NWD2: variants seen among roughly 807,000 people sequenced by gnomAD.
NWD2 encodes the protein NACHT and WD repeat domain-containing protein 2.
NWD2 carries 37 observed loss-of-function variants against 132.7 expected under a neutral mutation model. The observed-to-expected ratio is 0.28, with a 90% CI of 0.21 to 0.37. NWD2 has a LOEUF of 0.37. Ranked by LOEUF, NWD2 falls within the 10% of genes least tolerant of loss-of-function variation. The pLI is 1.00. For synonymous variants in NWD2, 705 were observed against 803.0 expected, an observed-to-expected ratio of 0.88 and a Z score of 2.06; for missense variants, 1,592 against 2,122.4, an observed-to-expected ratio of 0.75 and a Z score of 4.91.
chr4:37,293,753 A>T (rs957770894), intron 1 of NWD2, among the ~76,000 whole-genome samples: 1 of 152,180 alleles, frequency 6.6e-6, no homozygotes, highest in African/African-American at 2.4e-5. Flanking sequence ...TTTACTAATG[A>T]CGTTAAGGAT....
chr4:37,396,762 G>A (rs1012246961), intron 3 of NWD2, among the ~76,000 whole-genome samples: 3 of 152,152 alleles, frequency 2.0e-5, no homozygotes, highest in East Asian at 1.9e-4. Flanking sequence ...GCTGGGCACG[G>A]TGGCTCACCC....
chr4:37,284,539 G>A (rs1002542607), intron 1 of NWD2, among the ~76,000 whole-genome samples: 5 of 152,176 alleles, frequency 3.3e-5, no homozygotes, highest in African/African-American at 1.2e-4. Flanking sequence ...CCCCCACAGA[G>A]CCCTGGATCT....
At chr4:37,352,302 T>C (rs1053431229) in intron 2 of NWD2, among the ~76,000 whole-genome samples, 3 of 152,188 alleles carry the variant, frequency 2.0e-5, no homozygotes, top group African/African-American at 7.2e-5. Flanking sequence ...GCTATTATTA[T>C]ATGGGAGTCT....
rs1054062019 is a variant in NWD2 at position 37,280,144 on chromosome 4, A to G, written c.151+34926A>G. Among the ~76,000 whole-genome samples, 30 of 152,330 alleles carry G rather than the reference A, an allele frequency of 2.0e-4. 1 individual carries two copies. The highest frequency in any genetic ancestry group is 3.4e-3 in the Middle Eastern group (1 of 294). On this transcript the variant is annotated intron_variant, in intron 1 of 6. Coordinates refer to ENST00000309447, the MANE Select transcript of NWD2 (RefSeq NM_001144990.2). Reference sequence around the variant, plus strand: ...TAATGAGACTGTTTTACCACAGGCGAATTGATATAAGTAAGAGTTAAGTTC... The same window carrying G: ...TAATGAGACTGTTTTACCACAGGCGGATTGATATAAGTAAGAGTTAAGTTC...
Position 37,244,945 on chromosome 4 carries a change from C to A in NWD2, c.-123C>A, listed in dbSNP as rs1717198080. 7 of 1,315,114 alleles carry A rather than the reference C, an allele frequency of 5.3e-6. No homozygotes were observed. The highest frequency in any genetic ancestry group is 4.6e-5 in the African/African-American group (3 of 65,554). The allele number at this position is 1,315,114 out of a possible 1,614,324, so 81.5% of individuals were successfully genotyped here. On this transcript the variant is annotated 5_prime_UTR_variant, in exon 1 of 7. Transcript: ENST00000309447. The surrounding 1 kb of genome is among the most constrained non-coding windows in gnomAD (Gnocchi z 5.5). ...CGCCAAAGGCGCTTCGGGCTCGGAG[C>A]GGCTCTGAGCCGCGCCGCCTGCTGA...
At chr4:37,267,416 A>C (rs1211100569) in intron 1 of NWD2, among the ~76,000 whole-genome samples, 1 of 152,028 alleles carries the variant, frequency 6.6e-6, no homozygotes, top group Non-Finnish European at 1.5e-5. Flanking sequence ...AAACAGGGCC[A>C]GCCCTGATCA....
intron 2 of NWD2, among the ~76,000 whole-genome samples, chr4:37,328,098 C>A (rs1719211308): frequency 6.6e-6 from 1 of 151,984 alleles, no homozygotes; most frequent in African/African-American, 2.4e-5. Context: ...TCTTTTGGAT[C>A]CCTGAACACC....
At chr4:37,392,155 C>G (rs1234096976) in intron 3 of NWD2, among the ~76,000 whole-genome samples, 1 of 152,032 alleles carries the variant, frequency 6.6e-6, no homozygotes, top group Non-Finnish European at 1.5e-5. Context: ...AAGCCGAGAT[C>G]GCACCACTGC....
chr4:37,380,487 A>G (rs1453956825), intron 3 of NWD2, among the ~76,000 whole-genome samples: 1 of 152,232 alleles, frequency 6.6e-6, no homozygotes, highest in African/African-American at 2.4e-5. Context: ...GAATAATATT[A>G]AAACTTACTA....
At chr4:37,305,424 T>C (rs1030547314) in intron 1 of NWD2, among the ~76,000 whole-genome samples, 1 of 152,236 alleles carries the variant, frequency 6.6e-6, no homozygotes, top group Non-Finnish European at 1.5e-5. Context: ...TTCTACTACA[T>C]GGTCGGGCTG....
intron 5 of NWD2, among the ~76,000 whole-genome samples, chr4:37,435,836 G>T (rs980949316): frequency 6.6e-6 from 1 of 152,120 alleles, no homozygotes; most frequent in African/African-American, 2.4e-5. Flanking sequence ...ACATGCTCAT[G>T]ACAATTTTAC....
intron 3 of NWD2, among the ~76,000 whole-genome samples, chr4:37,406,492 G>T: frequency 6.6e-6 from 1 of 152,192 alleles, no homozygotes; most frequent in East Asian, 1.9e-4. Context: ...ACAGGCACAT[G>T]TATGTTTATT....
At position 37,443,960 on chromosome 4, in the gene NWD2, G is replaced by T; in HGVS notation, c.1972G>T (p.Val658Phe). 1 of 1,552,304 alleles carries T rather than the reference G, an allele frequency of 6.4e-7. No homozygotes were observed. The highest frequency in any genetic ancestry group is 8.7e-7 in the Non-Finnish European group (1 of 1,147,130). ...SLEKKCGQKL[V>F]SRALGYITMA... Reference sequence around the variant, plus strand: ...GGAGAAGAAGTGTGGTCAGAAACTGGTCTCTAGGGCTCTTGGTTACATCAC... The same window carrying T: ...GGAGAAGAAGTGTGGTCAGAAACTGTTCTCTAGGGCTCTTGGTTACATCAC... The change falls in exon 7 of 7, where the codon GTC (valine) becomes TTC (phenylalanine). Residue 658 changes from valine (V) to phenylalanine (F), a missense_variant. By Grantham distance (50) the Val-to-Phe change is conservative. Around this residue, in one of 7 missense-constraint regions of NWD2, gnomAD observed 1,071 missense variants for 1,398.0 expected, o/e 0.77. Coordinates refer to ENST00000309447, the MANE Select transcript of NWD2 (RefSeq NM_001144990.2). This position sits in a 1 kb window ranked among gnomAD's most constrained non-coding sequence, Gnocchi z 4.1.
chr4:37,407,971 A>G (rs762747821), intron 3 of NWD2, among the ~76,000 whole-genome samples: 1 of 152,172 alleles, frequency 6.6e-6, no homozygotes, highest in Non-Finnish European at 1.5e-5. Context: ...GCCATGAGGA[A>G]CTGAGCCTGA....
At chr4:37,362,026 G>A (rs1030673902) in intron 3 of NWD2, among the ~76,000 whole-genome samples, 1 of 152,000 alleles carries the variant, frequency 6.6e-6, no homozygotes, top group Non-Finnish European at 1.5e-5. Flanking sequence ...CACCCATAAC[G>A]TTCAAGCTGA....
At chr4:37,358,574 G>A (rs116629521) in intron 3 of NWD2, among the ~76,000 whole-genome samples, 4,209 of 152,116 alleles carry the variant, frequency 0.028, 199 homozygotes, top group African/African-American at 0.096. Context: ...GTATCCCTGG[G>A]TTCTGACCTG....
At chr4:37,310,575 T>G (rs954179875) in intron 1 of NWD2, among the ~76,000 whole-genome samples, 4 of 52,114 alleles carry the variant, frequency 7.7e-5, no homozygotes, top group Non-Finnish European at 1.6e-4. Context: ...TGTTCTTAGT[T>G]GTAGGTGGAA....
In NWD2 at chr4:37,430,718, G is replaced by C; in HGVS notation, c.504G>C (p.Val168=). The part of the protein sequence containing the change: ...EEWYCRDENS[V]PAAYYLRPKS... ...GGTACTGTCGAGATGAGAACTCGGT[G>C]CCAGCAGCCTATTACCTCAGACCCA... Residue 168 remains valine, a synonymous_variant, in exon 4 of 7, where the codon GTG becomes GTC. Coordinates refer to ENST00000309447, the MANE Select transcript of NWD2 (RefSeq NM_001144990.2). The C allele has an allele frequency of 1.9e-6, 3 of 1,551,654 alleles. No individual in the cohort carries two copies. The highest frequency in any genetic ancestry group is 2.6e-6 in the Non-Finnish European group (3 of 1,146,860).
chr4:37,392,578 G>A (rs1474097209), intron 3 of NWD2, among the ~76,000 whole-genome samples: 1 of 152,180 alleles, frequency 6.6e-6, no homozygotes, highest in African/African-American at 2.4e-5. Flanking sequence ...CCTCTATTGA[G>A]AATCACTGGT....
Sources: gnomAD v4.1 joint callset for allele counts (sites outside exome capture counted in the v4.1 genomes callset) on GRCh38, gnomAD v4.1.1 for gene constraint, gnomAD v4.1.1 regional missense constraint, Gnocchi (gnomAD v3.1) non-coding constraint, MANE v1.5 for transcripts, NCBI Gene and HGNC (gene_info 2026-07-23, HGNC 2026-07-21) for gene names.